The following ARHGEF4 variants were observed in gnomAD, a reference collection of about 807,000 sequenced individuals.
ARHGEF4 encodes APC-stimulated guanine nucleotide exchange factor 1.
In ARHGEF4, 119 loss-of-function variants were observed where a neutral mutation model predicts 162.0. That is an observed-to-expected ratio of 0.73 (90% confidence interval 0.63 to 0.86). ARHGEF4 has a LOEUF of 0.86. Ranked by LOEUF, ARHGEF4 falls within the 40% of genes least tolerant of loss-of-function variation. ARHGEF4 has a pLI of 0.00. For missense variants in ARHGEF4, 2,488 were observed against 2,456.0 expected (o/e 1.01, Z -0.28); for synonymous variants, 1,014 against 979.9 (o/e 1.03, Z -0.65).
chr2:130,878,516 G>A (rs749117210), intron 1 of ARHGEF4, among the ~76,000 whole-genome samples: 17 of 152,198 alleles, frequency 1.1e-4, no homozygotes, highest in Non-Finnish European at 1.9e-4. Context: ...GCTGAGGACA[G>A]TCCCTTCCTT....
At chr2:130,986,252 C>T (rs1035624220) in intron 4 of ARHGEF4, among the ~76,000 whole-genome samples, 4 of 152,178 alleles carry the variant, frequency 2.6e-5, no homozygotes, top group Non-Finnish European at 4.4e-5. Context: ...TCTGCATCAG[C>T]GTCCCTCTTT....
intron 1 of ARHGEF4, among the ~76,000 whole-genome samples, chr2:130,894,265 TG>T (rs1435306827): frequency 5.9e-5 from 9 of 152,230 alleles, no homozygotes; most frequent in Admixed American, 5.9e-4. Flanking sequence ...CCCATGTTCA[TG>T]GGCCTCACCA....
intron 6 of ARHGEF4, 108 bp from the exon 7 acceptor site, chr2:131,039,908 C>T (rs1690634162): frequency 4.1e-6 from 6 of 1,472,352 alleles, no homozygotes; most frequent in East Asian, 5.0e-5. Context: ...CCCTGCGCCC[C>T]GTACACCCTG....
chr2:130,987,754 T>C (rs1337716936), intron 4 of ARHGEF4, among the ~76,000 whole-genome samples: 1 of 152,218 alleles, frequency 6.6e-6, no homozygotes, highest in Non-Finnish European at 1.5e-5. Context: ...CACTGTGAGC[T>C]AGGCCAAGGC....
chr2:130,960,542 T>C (rs1039637540), intron 4 of ARHGEF4, among the ~76,000 whole-genome samples: 5 of 152,164 alleles, frequency 3.3e-5, no homozygotes, highest in African/African-American at 1.2e-4. Context: ...TAACAACACA[T>C]TTCTCAGGAC....
intron 4 of ARHGEF4, among the ~76,000 whole-genome samples, chr2:130,978,047 C>T (rs183335152): frequency 9.7e-4 from 148 of 152,308 alleles, no homozygotes; most frequent in African/African-American, 3.4e-3. Flanking sequence ...AGTTTCACTC[C>T]TTTGACACTT....
At chr2:131,012,404 G>C (rs1272582292) in intron 4 of ARHGEF4, among the ~76,000 whole-genome samples, 1 of 152,186 alleles carries the variant, frequency 6.6e-6, no homozygotes, top group African/African-American at 2.4e-5. Context: ...AATGACTACA[G>C]TGCAGAAATG....
At chr2:130,946,747 G>A in intron 4 of ARHGEF4, 112 bp downstream of exon 4, 1 of 1,473,660 alleles carries the variant, frequency 6.8e-7, no homozygotes, top group South Asian at 1.2e-5. Flanking sequence ...TAGCTTGAAG[G>A]TGAGAGAGAT....
chr2:130,853,832 G>C (rs1681579452), intron 1 of ARHGEF4, among the ~76,000 whole-genome samples: 1 of 152,228 alleles, frequency 6.6e-6, no homozygotes, highest in Admixed American at 6.5e-5. Flanking sequence ...GTGTGGCTCA[G>C]GAGGTGAGCC....
At chr2:130,992,698 A>G (rs751411545) in intron 4 of ARHGEF4, among the ~76,000 whole-genome samples, 13 of 152,246 alleles carry the variant, frequency 8.5e-5, no homozygotes, top group Non-Finnish European at 2.9e-5. Flanking sequence ...AATTCTGGAC[A>G]CAGTATCAGT....
At chr2:131,036,744 A>G (rs1237193262) in intron 5 of ARHGEF4, among the ~76,000 whole-genome samples, 1 of 152,224 alleles carries the variant, frequency 6.6e-6, no homozygotes, top group Non-Finnish European at 1.5e-5. Flanking sequence ...GAAGGGAAGC[A>G]GTGGGAAAAT....
At chr2:131,039,181 C>T (rs1258049182) in intron 6 of ARHGEF4, 149 bp downstream of exon 6, 4 of 1,251,164 alleles carry the variant, frequency 3.2e-6, no homozygotes, top group Non-Finnish European at 4.3e-6. Flanking sequence ...AGCCTTCCTC[C>T]TCCTGGAGAG....
intron 13 of ARHGEF4, 97 bp from the exon 14 acceptor site, chr2:131,045,941 A>G: frequency 6.6e-7 from 1 of 1,510,386 alleles, no homozygotes; most frequent in Non-Finnish European, 8.8e-7. Flanking sequence ...GGCGGCTCTG[A>G]AGCAGAGCCC....
intron 2 of ARHGEF4, among the ~76,000 whole-genome samples, chr2:130,928,396 T>C (rs79946675): frequency 0.081 from 12,289 of 152,262 alleles, 679 homozygotes; most frequent in Non-Finnish European, 0.12. Flanking sequence ...TTATGCTGTT[T>C]TCATCCCAAA....
chr2:131,046,388 A>G lies in ARHGEF4; in HGVS notation c.*199A>G, dbSNP rs1449494247. 3 of 613,252 alleles carry G rather than the reference A, an allele frequency of 4.9e-6. No homozygotes were observed. Among genetic ancestry groups the G allele is most frequent in the Non-Finnish European group, 8.4e-6 (3 of 356,412 alleles). The allele number at this position is 613,252 out of a possible 1,614,324, so 38.0% of individuals were successfully genotyped here. ...CTGCTCCTGGTGCCCTGAAGAGACC[A>G]GCAAGGGGGCAGACCCCGCACTCGC... On this transcript the variant is annotated 3_prime_UTR_variant, in exon 14 of 14. Coordinates refer to ENST00000409359, the MANE Select transcript of ARHGEF4 (RefSeq NM_001367493.1).
Position 131,039,539 on chromosome 2 carries a change from G to C in ARHGEF4, c.4306-477G>C, listed in dbSNP as rs1431910232. ...AAAAGGCCTGGCTCAGGGCGTCCAA[G>C]CTGAGGGCCGTCCGGCGGGGAGGTC... On this transcript the variant is annotated intron_variant, in intron 6 of 13. Transcript: ENST00000409359. 4.6e-5 allele frequency: 48 copies of C among 1,036,038 alleles called. No homozygotes were observed. In the East Asian group the frequency reaches 4.6e-3, roughly 99 times the overall value. The allele number at this position is 1,036,038 out of a possible 1,614,324, so 64.2% of individuals were successfully genotyped here. A position where few individuals can be genotyped will look rare whatever the true frequency, so the allele number is the denominator to read the frequency against.
Position 130,914,268 on chromosome 2 carries a change from GTC to G in ARHGEF4, c.325_326del (p.Ala110AsnfsTer26). The G allele has an allele frequency of 6.5e-7, 1 of 1,529,684 alleles. No homozygotes were observed. Among genetic ancestry groups the G allele is most frequent in the Non-Finnish European group, 8.8e-7 (1 of 1,142,634 alleles). The allele number at this position is 1,529,684 out of a possible 1,614,324, so 94.8% of individuals were successfully genotyped here. On this transcript the variant is annotated frameshift_variant, in exon 2 of 14. Transcript: ENST00000409359. LOFTEE classifies it high-confidence loss of function. ...DIEAPWEYPD[V>X]SATGPPQEQH... is the part of the protein sequence containing the mutation. ...AGAAGCACCTTGGGAATACCCTGAT[GTC>G]TCAGCAACTGGACCCCCTCAGGAGC... is the stretch of plus-strand genomic sequence containing the variant.
chr2:131,045,963 CCATGCTGT>C, intron 13 of ARHGEF4, 67 bp from the exon 14 acceptor site: 1 of 1,546,096 alleles, frequency 6.5e-7, no homozygotes, highest in Non-Finnish European at 8.7e-7. Flanking sequence ...GGGACGGACC[CCATGCTGT>C]CCCCAACAGC....
chr2:131,046,489 G>A lies in ARHGEF4; in HGVS notation c.*300G>A, dbSNP rs779134731. 59 of 340,492 alleles carry A rather than the reference G, an allele frequency of 1.7e-4. No homozygotes were observed. Among genetic ancestry groups the A allele is most frequent in the African/African-American group, 3.8e-4 (18 of 47,518 alleles). The allele number at this position is 340,492 out of a possible 1,614,324, so 21.1% of individuals were successfully genotyped here. A position where few individuals can be genotyped will look rare whatever the true frequency, so the allele number is the denominator to read the frequency against. On this transcript the variant is annotated 3_prime_UTR_variant, in exon 14 of 14. Transcript: ENST00000409359. Reference sequence around the variant, plus strand: ...GCCTCACTGCTGGAGCGGGGAAACCGCAGCTCAGCCCAGGCCCAGCTGGGG... The same window carrying A: ...GCCTCACTGCTGGAGCGGGGAAACCACAGCTCAGCCCAGGCCCAGCTGGGG...
Sources: allele counts gnomAD v4.1 joint callset (sites outside exome capture counted in the v4.1 genomes callset), GRCh38; gene constraint gnomAD v4.1.1; transcripts MANE v1.5; gene names NCBI Gene and HGNC (gene_info 2026-07-23, HGNC 2026-07-21).